The following ALLC variants were observed in gnomAD, a reference collection of about 807,000 sequenced individuals.
The protein encoded by ALLC is allantoicase.
A neutral mutation model predicts 45.0 loss-of-function variants in ALLC; 40 were observed. The ratio of observed to expected loss-of-function variants is 0.89; its 90% CI spans 0.69 to 1.16. The LOEUF (loss-of-function observed/expected upper bound fraction) is 1.16. Among genes scored for constraint, ALLC ranks in the 50% most tolerant of loss-of-function variants. ALLC has a pLI of 0.00. For missense variants in ALLC, 488 were observed against 493.1 expected (o/e 0.99, Z 0.10); for synonymous variants, 176 against 178.1 (o/e 0.99, Z 0.09).
At chr2:3,696,728 GA>G (rs1285947603) in intron 9 of ALLC, among the ~76,000 whole-genome samples, 1 of 152,204 alleles carries the variant, frequency 6.6e-6, no homozygotes, top group African/African-American at 2.4e-5. Flanking sequence ...CCACTTATGT[GA>G]ACTTGTGATG....
At chr2:3,667,283 T>C (rs1271481853) in intron 1 of ALLC, among the ~76,000 whole-genome samples, 2 of 152,210 alleles carry the variant, frequency 1.3e-5, no homozygotes, top group Admixed American at 1.3e-4. Flanking sequence ...CACCACCTCG[T>C]CTGTCCCCTC....
At chr2:3,647,632 C>T in the ALLC span, among the ~76,000 whole-genome samples, 2 of 151,808 alleles carry the variant, frequency 1.3e-5, no homozygotes, top group Admixed American at 1.3e-4. Flanking sequence ...GTCGCTCACC[C>T]GTCCTCTCCT....
rs139482195 is a variant in ALLC at position 3,660,997 on chromosome 2, G to A, written c.-63+2703G>A. On this transcript the variant is annotated intron_variant, in intron 1 of 11. Transcript: ENST00000252505. ...TACTGATTCTTTGAAGAGAAATTTAGGACTTATATCTAACACTGTTTTTTT... is the reference window on the plus strand; with the variant it reads ...TACTGATTCTTTGAAGAGAAATTTAAGACTTATATCTAACACTGTTTTTTT... 3.6e-3 allele frequency among the ~76,000 whole-genome samples: 552 copies of A among 152,260 alleles called. 3 individuals are homozygous for A. The highest frequency in any genetic ancestry group is 0.012 in the African/African-American group (496 of 41,544).
At chr2:3,649,636 TC>T in the ALLC span, among the ~76,000 whole-genome samples, 1 of 152,268 alleles carries the variant, frequency 6.6e-6, no homozygotes, top group Non-Finnish European at 1.5e-5. Flanking sequence ...ACCCAGTGAT[TC>T]TGGTTCAGGG....
chr2:3,653,237 AG>A (rs1359481120), upstream of ALLC, among the ~76,000 whole-genome samples: 1 of 152,222 alleles, frequency 6.6e-6, no homozygotes, highest in Non-Finnish European at 1.5e-5. The surrounding 1 kb of genome is among the most constrained non-coding windows in gnomAD (Gnocchi z 4.1). Context: ...AGGTGAGCCC[AG>A]GGGTCAGGAA....
intron 1 of ALLC, among the ~76,000 whole-genome samples, chr2:3,664,938 C>T (rs577914274): frequency 5.6e-4 from 85 of 150,776 alleles, no homozygotes; most frequent in African/African-American, 1.9e-3. Context: ...TCCAAATGCT[C>T]GATTTCATTT....
At chr2:3,662,451 C>A (rs1558533558) in intron 1 of ALLC, among the ~76,000 whole-genome samples, 1 of 152,232 alleles carries the variant, frequency 6.6e-6, no homozygotes, top group Non-Finnish European at 1.5e-5. Context: ...GCCCTGCAGG[C>A]AGGTCATTTG....
At chr2:3,649,242 T>G in the ALLC span, among the ~76,000 whole-genome samples, 1 of 148,702 alleles carries the variant, frequency 6.7e-6, no homozygotes, top group Admixed American at 6.7e-5. Context: ...CCCAAACACT[T>G]CTTTTTTTTT....
At chr2:3,681,763 T>C in intron 6 of ALLC, 50 bp downstream of exon 6, 4 of 1,415,652 alleles carry the variant, frequency 2.8e-6, no homozygotes, top group South Asian at 1.2e-5. Context: ...ATTAGGAGAG[T>C]AGGGAAACTG....
the ALLC span, among the ~76,000 whole-genome samples, chr2:3,651,323 GTGT>G: frequency 1.9e-3 from 14 of 7,376 alleles, no homozygotes; most frequent in South Asian, 0.018. Flanking sequence ...TGGGGGGGGT[GTGT>G]GTGTGTGTGT....
At chr2:3,692,864 G>C (rs1667559110) in intron 7 of ALLC, among the ~76,000 whole-genome samples, 1 of 152,096 alleles carries the variant, frequency 6.6e-6, no homozygotes, top group African/African-American at 2.4e-5. Context: ...CTCAAGGTAG[G>C]ACCCTGTCCC....
intron 1 of ALLC, among the ~76,000 whole-genome samples, chr2:3,660,880 G>GAATGAGTCAGGGTGGAGCAGGTGATCTA (rs1666558098): frequency 6.6e-6 from 1 of 151,734 alleles, no homozygotes; most frequent in Admixed American, 6.6e-5. Context: ...CAGGTGATCG[G>GAATGAGTCAGGGTGGAGCAGGTGATCTA]AATGAGTCAG....
chr2:3,688,591 A>G lies in ALLC; in HGVS notation c.511+5517A>G, dbSNP rs111591669. The G allele has an allele frequency of 1.4e-3, 290 of 208,610 alleles. 1 individual carries two copies. Among genetic ancestry groups the G allele is most frequent in the African/African-American group, 6.3e-3 (269 of 42,580 alleles). The allele number at this position is 208,610 out of a possible 1,614,324, so 12.9% of individuals were successfully genotyped here. The stretch of plus-strand genomic sequence containing the variant: ...ATACTTCTCATGATTCACACCCCAC[A>G]TAAACATAAGGGGCATCAGCAGAGG... On this transcript the variant is annotated intron_variant, in intron 7 of 11. Coordinates refer to ENST00000252505, the MANE Select transcript of ALLC (RefSeq NM_018436.4).
chr2:3,670,625 C>T (rs1031220324), intron 1 of ALLC, among the ~76,000 whole-genome samples: 3 of 152,210 alleles, frequency 2.0e-5, no homozygotes, highest in Non-Finnish European at 2.9e-5. Context: ...CGTCAGTGGA[C>T]GTCTGTTCCC....
At chr2:3,681,491 G>T in intron 5 of ALLC, 143 bp from the exon 6 acceptor site, 3 of 547,908 alleles carry the variant, frequency 5.5e-6, no homozygotes, top group African/African-American at 3.8e-5. Flanking sequence ...CAACAAGTGT[G>T]TCTATTACTT....
chr2:3,647,693 G>C, the ALLC span, among the ~76,000 whole-genome samples: 4,854 of 147,402 alleles, frequency 0.033, 131 homozygotes, highest in Middle Eastern at 0.069. Flanking sequence ...CCTGGGGGTT[G>C]CTCACACATC....
chr2:3,674,628 T>A (rs1000343297), intron 3 of ALLC, among the ~76,000 whole-genome samples: 1 of 152,208 alleles, frequency 6.6e-6, no homozygotes. Context: ...ATTGAGCTAA[T>A]GCCCACGTAC....
intron 1 of ALLC, among the ~76,000 whole-genome samples, chr2:3,659,577 T>C (rs1666519162): frequency 2.6e-5 from 4 of 152,248 alleles, no homozygotes; most frequent in Admixed American, 2.6e-4. Context: ...GTCTGAGCAC[T>C]GTGAGCTGCT....
In ALLC at chr2:3,658,255, C is replaced by CA. The variant is rs1666487129; in HGVS notation, c.-100dup. ...GGGACCTTGGCTGGCTTCTGGGGAG[C>CA]AAGAGATCCATTTATGAATACTTGA... On this transcript the variant is annotated 5_prime_UTR_variant, in exon 1 of 12. Transcript: ENST00000252505. 1 of 152,432 alleles carries CA rather than the reference C, an allele frequency of 6.6e-6. No individual in the cohort carries two copies. Among genetic ancestry groups the CA allele is most frequent in the African/African-American group, 2.4e-5 (1 of 41,582 alleles). The allele number at this position is 152,432 out of a possible 1,614,324, so 9.4% of individuals were successfully genotyped here.
Sources: allele counts gnomAD v4.1 joint callset (sites outside exome capture counted in the v4.1 genomes callset), GRCh38; gene constraint gnomAD v4.1.1; non-coding constraint Gnocchi (gnomAD v3.1); transcripts MANE v1.5; gene names NCBI Gene and HGNC (gene_info 2026-07-23, HGNC 2026-07-21).